The following CCAR1 variants were observed in gnomAD, a reference collection of about 807,000 sequenced individuals.
The protein encoded by CCAR1 is cell division cycle and apoptosis regulator 1.
CCAR1 carries 78 observed loss-of-function variants against 163.8 expected under a neutral mutation model. The observed-to-expected ratio is 0.48, with a 90% CI of 0.40 to 0.57. The LOEUF (loss-of-function observed/expected upper bound fraction) is 0.57, where lower values mean the gene tolerates loss of function less well. Ranked by LOEUF, CCAR1 falls within the 20% of genes least tolerant of loss-of-function variation. The pLI, the probability that CCAR1 is intolerant of heterozygous loss-of-function variation, is 0.00. For synonymous variants in CCAR1, 443 were observed against 460.7 expected (o/e 0.96, Z 0.49); for missense variants, 1,019 against 1,365.2 (o/e 0.75, Z 4.00).
At chr10:68,743,704 G>A (rs533464667) in intron 6 of CCAR1, among the ~76,000 whole-genome samples, 81 of 151,078 alleles carry the variant, frequency 5.4e-4, no homozygotes, top group Non-Finnish European at 9.4e-4. Context: ...CACCACACCC[G>A]GCTAATTTTT....
intron 19 of CCAR1, among the ~76,000 whole-genome samples, chr10:68,777,840 T>C (rs568646268): frequency 1.3e-5 from 2 of 151,398 alleles, no homozygotes; most frequent in South Asian, 4.2e-4. Flanking sequence ...TCTGAGCTGG[T>C]AGGATCACTT....
chr10:68,754,590 T>C (rs905893656), intron 11 of CCAR1, 124 bp from the exon 12 acceptor site: 10 of 585,534 alleles, frequency 1.7e-5, no homozygotes, highest in Admixed American at 6.4e-5. Context: ...GTTTCTGCTA[T>C]AGTATTACTT....
chr10:68,769,890 G>A (rs1169207020), intron 17 of CCAR1, among the ~76,000 whole-genome samples: 1 of 132,480 alleles, frequency 7.5e-6, no homozygotes. Context: ...GCAGTGAGCC[G>A]AAATTCCGCC....
chr10:68,743,950 C>T (rs555757818), intron 6 of CCAR1, among the ~76,000 whole-genome samples: 45 of 152,116 alleles, frequency 3.0e-4, no homozygotes, highest in South Asian at 1.2e-3. Flanking sequence ...GGGGTTTTAC[C>T]ATCTTGGCTA....
intron 19 of CCAR1, chr10:68,774,900 A>G (rs2056645043): frequency 1.6e-5 from 6 of 366,230 alleles, no homozygotes; most frequent in African/African-American, 2.3e-5. Context: ...AAAAAATTAT[A>G]TTTTTCTGAT....
At chr10:68,790,945 A>G (rs2056846116) in intron 24 of CCAR1, among the ~76,000 whole-genome samples, 1 of 149,406 alleles carries the variant, frequency 6.7e-6, no homozygotes, top group Non-Finnish European at 1.5e-5. Flanking sequence ...CAGCCCACCT[A>G]TCTTGGCCTC....
intron 16 of CCAR1, among the ~76,000 whole-genome samples, chr10:68,765,634 T>C (rs576342365): frequency 4.6e-5 from 7 of 152,248 alleles, no homozygotes; most frequent in South Asian, 2.1e-4. Flanking sequence ...AGATAATTTT[T>C]CCCCCTCTTT....
Position 68,756,238 on chromosome 10 carries a change from A to AT in CCAR1, c.1626-27dup. 1.5e-5 allele frequency: 24 copies of AT among 1,557,604 alleles called. No individual in the cohort carries two copies. Among genetic ancestry groups the AT allele is most frequent in the South Asian group, 2.3e-5 (2 of 88,314 alleles). On this transcript the variant is annotated intron_variant, in intron 13 of 24. Transcript: ENST00000265872. The surrounding 1 kb of genome is among the most constrained non-coding windows in gnomAD (Gnocchi z 5.1). ...TAGGGTCTTTAAAATGTATTTTAGA[A>AT]TTTTTTTTCCAACATGCTTCTTCCC...
intron 16 of CCAR1, 136 bp from the exon 17 acceptor site, chr10:68,765,752 G>A (rs1030172044): frequency 8.6e-5 from 53 of 616,816 alleles, no homozygotes; most frequent in African/African-American, 1.3e-4. Flanking sequence ...CTTATGGTTT[G>A]TATAAGTACC....
intron 17 of CCAR1, among the ~76,000 whole-genome samples, chr10:68,767,050 A>G (rs895744327): frequency 6.6e-6 from 1 of 152,110 alleles, no homozygotes; most frequent in African/African-American, 2.4e-5. Flanking sequence ...TTTTTTCCCT[A>G]AGACGCTTTC....
At chr10:68,723,567 G>A (rs775277977) in intron 2 of CCAR1, among the ~76,000 whole-genome samples, 8 of 151,854 alleles carry the variant, frequency 5.3e-5, no homozygotes, top group Non-Finnish European at 1.2e-4. Flanking sequence ...AAAGTAAATG[G>A]GCCGGGCGCG....
At chr10:68,784,866 T>G (rs2056777759) in intron 19 of CCAR1, among the ~76,000 whole-genome samples, 1 of 152,172 alleles carries the variant, frequency 6.6e-6, no homozygotes, top group South Asian at 2.1e-4. Flanking sequence ...TATGTACTTT[T>G]TTAAGGCATA....
intron 15 of CCAR1, among the ~76,000 whole-genome samples, chr10:68,760,215 A>G (rs2056451361): frequency 6.6e-6 from 1 of 151,280 alleles, no homozygotes; most frequent in Non-Finnish European, 1.5e-5. Context: ...AGTGCAGTGC[A>G]TAGTTCACTG....
intron 2 of CCAR1, chr10:68,735,739 G>GT (rs1385510866): frequency 6.6e-6 from 1 of 152,200 alleles, no homozygotes; most frequent in Admixed American, 6.6e-5. Flanking sequence ...GACAAGCATT[G>GT]TAATCAGAAG....
chr10:68,727,161 G>T (rs1343719266), intron 2 of CCAR1, among the ~76,000 whole-genome samples: 1 of 147,264 alleles, frequency 6.8e-6, no homozygotes, highest in Admixed American at 6.9e-5. Context: ...TCTGCCTCCC[G>T]GGTTCAAGTG....
rs1224254976 is a variant in CCAR1 at position 68,742,904 on chromosome 10, CA to C, written c.518+336del. Reference sequence around the variant, plus strand: ...AGGTGCTGGGATTACAGGCGTGAGACACTGCGCCTGGCCAGTGTAGCTATGA... The same window carrying C: ...AGGTGCTGGGATTACAGGCGTGAGACCTGCGCCTGGCCAGTGTAGCTATGA... On this transcript the variant is annotated intron_variant, in intron 6 of 24. Transcript: ENST00000265872. Among the ~76,000 whole-genome samples, 3 of 152,146 alleles carry C rather than the reference CA, an allele frequency of 2.0e-5. No individual in the cohort carries two copies. The East Asian group carries it at 5.8e-4, about 29-fold the overall frequency.
chr10:68,735,371 CT>C (rs34103994), intron 2 of CCAR1, among the ~76,000 whole-genome samples: 26 of 115,394 alleles, frequency 2.3e-4, no homozygotes, highest in Non-Finnish European at 3.0e-4. Flanking sequence ...CGTTTTTGTG[CT>C]TTTTTTTTTT....
intron 15 of CCAR1, among the ~76,000 whole-genome samples, chr10:68,758,212 G>T (rs2133369362): frequency 6.6e-6 from 1 of 151,990 alleles, no homozygotes; most frequent in South Asian, 2.1e-4. Flanking sequence ...GTACAACCAT[G>T]CCAGGCTAAT....
At chr10:68,723,582 C>T (rs866650108) in intron 2 of CCAR1, among the ~76,000 whole-genome samples, 6 of 151,940 alleles carry the variant, frequency 3.9e-5, no homozygotes, top group Middle Eastern at 3.4e-3. Context: ...GGCGCGGTGA[C>T]TCATGCCTGT....
Sources: gnomAD v4.1 joint callset for allele counts (sites outside exome capture counted in the v4.1 genomes callset) on GRCh38, gnomAD v4.1.1 for gene constraint, Gnocchi (gnomAD v3.1) non-coding constraint, MANE v1.5 for transcripts, NCBI Gene and HGNC (gene_info 2026-07-23, HGNC 2026-07-21) for gene names.